The following REPS2 variants were observed in gnomAD, a reference collection of about 807,000 sequenced individuals.
The protein encoded by REPS2 is ralBP1-associated Eps domain-containing protein 2.
In REPS2, 23 loss-of-function variants were observed where a neutral mutation model predicts 53.6. That is an observed-to-expected ratio of 0.43 (90% CI 0.31 to 0.61). The LOEUF (loss-of-function observed/expected upper bound fraction) is 0.61. REPS2 is among the 20% of genes least tolerant of loss of function. The pLI is 0.11. For synonymous variants in REPS2, 238 were observed against 218.6 expected, an observed-to-expected ratio of 1.09 and a Z score of -0.78; for missense variants, 446 against 534.9, an observed-to-expected ratio of 0.83 and a Z score of 1.64.
At chrX:17,010,669 G>A (rs2061417598) in intron 2 of REPS2, among the ~76,000 whole-genome samples, 1 of 111,806 alleles carries the variant, frequency 8.9e-6, no homozygotes, top group South Asian at 3.8e-4. Context: ...GGCACTCTGT[G>A]TGTATTGGTT....
At chrX:16,955,149 C>T (rs1405411090) in intron 1 of REPS2, among the ~76,000 whole-genome samples, 1 of 110,889 alleles carries the variant, frequency 9.0e-6, no homozygotes, top group Non-Finnish European at 1.9e-5. Flanking sequence ...GGTTCCTTTC[C>T]AGGGTTTTTC....
chrX:17,102,632 G>A (rs1384873701), intron 13 of REPS2, among the ~76,000 whole-genome samples: 3 of 112,306 alleles, frequency 2.7e-5, no homozygotes, highest in African/African-American at 9.7e-5. Flanking sequence ...CCATATCCAT[G>A]CACTGGCTCA....
intron 8 of REPS2, 103 bp from the exon 9 acceptor site, chrX:17,062,335 T>C: frequency 1.7e-6 from 1 of 575,549 alleles, no homozygotes; most frequent in Non-Finnish European, 2.9e-6. Context: ...CAGAGCTAGC[T>C]GATTTTGTTG....
chrX:17,099,769 A>C, intron 13 of REPS2: 1 of 552,248 alleles, frequency 1.8e-6, no homozygotes, highest in East Asian at 3.3e-5. Flanking sequence ...GCTGGTACTC[A>C]GGAGAGTTAA....
At chrX:17,134,053 G>T in intron 15 of REPS2, 146 bp downstream of exon 15, 1 of 492,182 alleles carries the variant, frequency 2.0e-6, no homozygotes. Flanking sequence ...TGGGTTCTTT[G>T]TGAAGATTGG....
At chrX:17,125,511 A>T (rs1298469295) in intron 14 of REPS2, among the ~76,000 whole-genome samples, 1 of 112,269 alleles carries the variant, frequency 8.9e-6, no homozygotes, top group Non-Finnish European at 1.9e-5. Context: ...AGGGATTCTG[A>T]TGAGGGAAGT....
In REPS2 at chrX:17,143,526, C is replaced by A. The variant is rs1440647490; in HGVS notation, c.1915-3887C>A. 2.8e-5 allele frequency among the ~76,000 whole-genome samples: 3 copies of A among 106,265 alleles called. No individual in the cohort carries two copies. The East Asian group carries it at 9.1e-4, about 32-fold the overall frequency. The allele number at this position is 106,265 out of a possible 115,157, so 92.3% of individuals were successfully genotyped here. On this transcript the variant is annotated intron_variant, in intron 17 of 17. Coordinates refer to ENST00000357277, the MANE Select transcript of REPS2 (RefSeq NM_004726.3). ...TTTTTGTTGTCGTTGATTATTTCCT[C>A]CCCCCTGCCCTCACCCCCATTTTTT...
chrX:17,081,510 G>T (rs1223927265), intron 13 of REPS2, among the ~76,000 whole-genome samples: 2 of 112,487 alleles, frequency 1.8e-5, no homozygotes, highest in Non-Finnish European at 3.8e-5. Context: ...TGGGGAAAAA[G>T]AACAAAGGGC....
At chrX:17,050,189 TCTTTC>T (rs1169133595) in intron 6 of REPS2, among the ~76,000 whole-genome samples, 6 of 54,459 alleles carry the variant, frequency 1.1e-4, no homozygotes, top group African/African-American at 2.3e-4. Flanking sequence ...TTTCTTTCTT[TCTTTC>T]TTTTTTTTTT....
At chrX:17,055,224 T>G (rs1033439773) in intron 8 of REPS2, among the ~76,000 whole-genome samples, 5 of 69,239 alleles carry the variant, frequency 7.2e-5, no homozygotes, top group Non-Finnish European at 1.3e-4. Flanking sequence ...TAAATTTGTT[T>G]GAGTTCATTG....
chrX:17,127,430 C>T (rs1483562524), intron 14 of REPS2, among the ~76,000 whole-genome samples: 1 of 111,991 alleles, frequency 8.9e-6, no homozygotes, highest in Admixed American at 9.5e-5. Flanking sequence ...TCTGGTTGGG[C>T]AAACAGAAAC....
chrX:17,078,344 A>G (rs778998168), intron 13 of REPS2, among the ~76,000 whole-genome samples: 1 of 112,343 alleles, frequency 8.9e-6, no homozygotes, highest in Non-Finnish European at 1.9e-5. Context: ...CATTAGCATG[A>G]CCTCTGTGTC....
chrX:16,966,736 G>A (rs746427351), intron 1 of REPS2, among the ~76,000 whole-genome samples: 7 of 112,381 alleles, frequency 6.2e-5, no homozygotes, highest in Admixed American at 1.9e-4. Context: ...CTACTGCAGA[G>A]ATGGAACCAT....
chrX:17,019,931 G>A (rs776044959), intron 2 of REPS2, among the ~76,000 whole-genome samples: 1 of 112,444 alleles, frequency 8.9e-6, no homozygotes, highest in Admixed American at 9.4e-5. Flanking sequence ...CTTCATGAAA[G>A]TTTTCCATGA....
At chrX:16,958,657 G>T (rs1475468889) in intron 1 of REPS2, among the ~76,000 whole-genome samples, 1 of 112,015 alleles carries the variant, frequency 8.9e-6, no homozygotes, top group Non-Finnish European at 1.9e-5. Flanking sequence ...CCAGTGGGAT[G>T]AGGGGATGGG....
At chrX:16,985,454 A>C (rs547448528) in intron 1 of REPS2, among the ~76,000 whole-genome samples, 1 of 111,871 alleles carries the variant, frequency 8.9e-6, no homozygotes, top group Admixed American at 9.5e-5. Flanking sequence ...AGACTGGCTC[A>C]CTCACTTATG....
chrX:17,123,639 C>G (rs1041808860), intron 14 of REPS2, among the ~76,000 whole-genome samples: 5 of 112,380 alleles, frequency 4.4e-5, no homozygotes, highest in Non-Finnish European at 5.6e-5. Context: ...GGGGGGTGCC[C>G]ACCAGAGATG....
rs765768868 is a variant in REPS2, at chrX:16,982,164, G to A, written c.274-24057G>A. On this transcript the variant is annotated intron_variant, in intron 1 of 17. Transcript: ENST00000357277. The stretch of plus-strand genomic sequence containing the variant: ...TATCAGTACTTTATTCCTTTTTATG[G>A]CCAAATAATATTCCATTTTCTGGAT... Among the ~76,000 whole-genome samples the A allele has an allele frequency of 1.7e-4, 19 of 111,282 alleles. No homozygotes were observed. In the East Asian group the frequency reaches 5.4e-3, roughly 31 times the overall value.
chrX:16,985,581 G>C (rs1400899058), intron 1 of REPS2, among the ~76,000 whole-genome samples: 2 of 111,732 alleles, frequency 1.8e-5, no homozygotes, highest in African/African-American at 6.5e-5. Context: ...ATATAGAGAA[G>C]ACTGAAAAAA....
Sources: gnomAD v4.1 joint callset for allele counts (sites outside exome capture counted in the v4.1 genomes callset) on GRCh38, gnomAD v4.1.1 for gene constraint, MANE v1.5 for transcripts, NCBI Gene and HGNC (gene_info 2026-07-23, HGNC 2026-07-21) for gene names.